Variants in MBNL2 observed in about 807,000 individuals in gnomAD.
MBNL2 encodes the protein muscleblind like splicing regulator 2.
Under a neutral mutation model 41.9 loss-of-function variants are expected in MBNL2, and 17 were observed. The ratio of observed to expected loss-of-function variants is 0.41; its 90% CI spans 0.28 to 0.61. The LOEUF (loss-of-function observed/expected upper bound fraction) is 0.61, where lower values mean the gene tolerates loss of function less well. Ranked by LOEUF, MBNL2 falls within the 20% of genes least tolerant of loss-of-function variation. The pLI is 0.35. For synonymous variants in MBNL2, 195 were observed against 182.9 expected, an observed-to-expected ratio of 1.07 and a Z score of -0.53; for missense variants, 336 against 505.6, an observed-to-expected ratio of 0.66 and a Z score of 3.22.
rs2052083584 is a variant in MBNL2, at chr13:97,276,063, T to G, written c.-173T>G. ...ACATATTGATTGATGAGTGATTGCC[T>G]GTCCATACACTCTCTCATCATCCTG... is the stretch of plus-strand genomic sequence containing the variant. On this transcript the variant is annotated 5_prime_UTR_variant, in exon 2 of 9. Coordinates refer to ENST00000679496, the MANE Select transcript of MBNL2 (RefSeq NM_001382683.1). 1 of 544,762 alleles carries G rather than the reference T, an allele frequency of 1.8e-6. No individual in the cohort carries two copies. The highest frequency in any genetic ancestry group is 3.3e-5 in the Admixed American group (1 of 29,914). 33.7% of individuals were successfully genotyped at this position (544,762 alleles called of 1,614,324 possible).
intron 2 of MBNL2, among the ~76,000 whole-genome samples, chr13:97,309,776 A>G (rs1020391333): frequency 7.2e-5 from 11 of 152,156 alleles, no homozygotes; most frequent in Non-Finnish European, 1.5e-5. Context: ...ATGCTTGAGC[A>G]TGGCTCATGC....
chr13:97,260,137 A>G (rs1232949700), intron 1 of MBNL2, among the ~76,000 whole-genome samples: 1 of 152,194 alleles, frequency 6.6e-6, no homozygotes, highest in African/African-American at 2.4e-5. Flanking sequence ...ATGCAATATT[A>G]CATCAGGAAA....
rs553111412 is a variant in MBNL2, at chr13:97,248,508, C to T, written c.-605+25977C>T. ...TAGCTTAGTTGGTTAAAGCAGGAGACAGTGATTATAAGTCCCTGATACCAC... is the reference window on the plus strand; with the variant it reads ...TAGCTTAGTTGGTTAAAGCAGGAGATAGTGATTATAAGTCCCTGATACCAC... On this transcript the variant is annotated intron_variant, in intron 1 of 8. Transcript: ENST00000679496. 2.1e-4 allele frequency among the ~76,000 whole-genome samples: 32 copies of T among 152,306 alleles called. 1 individual carries two copies. The highest frequency in any genetic ancestry group is 7.8e-4 in the Admixed American group (12 of 15,298).
rs2060719555 is a variant in MBNL2 at position 97,334,565 on chromosome 13, A to G, written c.339+125A>G. On this transcript the variant is annotated intron_variant, in intron 3 of 8. Coordinates refer to ENST00000679496, the MANE Select transcript of MBNL2 (RefSeq NM_001382683.1). This position sits in a 1 kb window ranked among gnomAD's most constrained non-coding sequence, Gnocchi z 5.3. The stretch of plus-strand genomic sequence containing the variant: ...GGTTACAATTAAAGCAAATAGCTTT[A>G]AAGCTCAATAGATGAAGGAAAATAG... The G allele has an allele frequency of 1.7e-6, 1 of 577,546 alleles. No individual in the cohort carries two copies. The highest frequency in any genetic ancestry group is 2.9e-6 in the Non-Finnish European group (1 of 343,524). 35.8% of individuals were successfully genotyped at this position (577,546 alleles called of 1,614,324 possible). A position where few individuals can be genotyped will look rare whatever the true frequency, so the allele number is the denominator to read the frequency against.
intron 5 of MBNL2, among the ~76,000 whole-genome samples, chr13:97,350,358 T>C (rs1594250180): frequency 6.6e-6 from 1 of 152,146 alleles, no homozygotes; most frequent in Non-Finnish European, 1.5e-5. Flanking sequence ...CTGATTAGGG[T>C]GGTGACTGGT....
At chr13:97,386,845 T>C (rs2065958582) in intron 8 of MBNL2, among the ~76,000 whole-genome samples, 1 of 152,112 alleles carries the variant, frequency 6.6e-6, no homozygotes. Context: ...TTTCCTTTCC[T>C]TATTGATAAG....
chr13:97,266,827 T>G (rs1197143645), intron 1 of MBNL2, among the ~76,000 whole-genome samples: 1 of 152,126 alleles, frequency 6.6e-6, no homozygotes, highest in African/African-American at 2.4e-5. Flanking sequence ...GTAATTAGAT[T>G]TATATAAAAA....
the MBNL2 span, among the ~76,000 whole-genome samples, chr13:97,164,593 T>A: frequency 6.6e-6 from 1 of 152,090 alleles, no homozygotes; most frequent in African/African-American, 2.4e-5. Flanking sequence ...ACCATGTAAA[T>A]ATCACTATTG....
chr13:97,234,850 T>C (rs1480156044), intron 1 of MBNL2, among the ~76,000 whole-genome samples: 2 of 152,246 alleles, frequency 1.3e-5, no homozygotes, highest in African/African-American at 4.8e-5. Context: ...GCAGTAGCGC[T>C]CAGTCCTCCC....
intron 2 of MBNL2, among the ~76,000 whole-genome samples, chr13:97,323,183 G>A (rs963043881): frequency 1.3e-5 from 2 of 152,204 alleles, no homozygotes; most frequent in African/African-American, 4.8e-5. Flanking sequence ...CCTTCTGTGG[G>A]GGTAGGTGAT....
At chr13:97,291,309 T>G (rs1445786125) in intron 2 of MBNL2, among the ~76,000 whole-genome samples, 1 of 152,082 alleles carries the variant, frequency 6.6e-6, no homozygotes, top group African/African-American at 2.4e-5. Flanking sequence ...TGGTGCAGTC[T>G]TGGCTCACTG....
At chr13:97,163,122 C>G in the MBNL2 span, among the ~76,000 whole-genome samples, 4 of 152,216 alleles carry the variant, frequency 2.6e-5, no homozygotes, top group Non-Finnish European at 5.9e-5. Context: ...TTGAGGGTAA[C>G]AAAGCAAGAA....
the MBNL2 span, among the ~76,000 whole-genome samples, chr13:97,198,855 T>G: frequency 0.03 from 4,529 of 152,240 alleles, 102 homozygotes; most frequent in Middle Eastern, 0.089. Context: ...GCCAGTACTG[T>G]CTCTTGCCTA....
At chr13:97,235,142 T>A (rs2043036221) in intron 1 of MBNL2, among the ~76,000 whole-genome samples, 1 of 152,178 alleles carries the variant, frequency 6.6e-6, no homozygotes. Flanking sequence ...CAGAGCTTGA[T>A]CTGAAGCTTT....
At chr13:97,320,640 A>C (rs1177708565) in intron 2 of MBNL2, among the ~76,000 whole-genome samples, 1 of 151,600 alleles carries the variant, frequency 6.6e-6, no homozygotes, top group Non-Finnish European at 1.5e-5. Flanking sequence ...TCGGCCACGC[A>C]GGGTGGCTCA....
intron 1 of MBNL2, among the ~76,000 whole-genome samples, chr13:97,227,065 CA>C (rs5806007): frequency 0.67 from 96,169 of 143,696 alleles, 32,012 homozygotes; most frequent in Non-Finnish European, 0.68. Context: ...AAAAAAAAAT[CA>C]AAAAAAAAAA....
chr13:97,340,266 T>G (rs1466326335), intron 3 of MBNL2, among the ~76,000 whole-genome samples: 1 of 152,230 alleles, frequency 6.6e-6, no homozygotes, highest in Non-Finnish European at 1.5e-5. Context: ...AAAAACATGC[T>G]ACATCAAAAA....
At chr13:97,258,393 A>T (rs2047964586) in intron 1 of MBNL2, among the ~76,000 whole-genome samples, 1 of 152,176 alleles carries the variant, frequency 6.6e-6, no homozygotes, top group South Asian at 2.1e-4. Context: ...GATTTTTAGA[A>T]GTATGGCAGT....
chr13:97,240,177 T>A (rs945855978), intron 1 of MBNL2, among the ~76,000 whole-genome samples: 2 of 152,126 alleles, frequency 1.3e-5, no homozygotes, highest in Non-Finnish European at 1.5e-5. Flanking sequence ...GGAACCCACA[T>A]TTATTGCTAG....
Sources: gnomAD v4.1 joint callset for allele counts (sites outside exome capture counted in the v4.1 genomes callset) on GRCh38, gnomAD v4.1.1 for gene constraint, Gnocchi (gnomAD v3.1) non-coding constraint, MANE v1.5 for transcripts, NCBI Gene and HGNC (gene_info 2026-07-23, HGNC 2026-07-21) for gene names.